Variants in VAV3 observed in about 807,000 individuals in gnomAD.
VAV3 encodes the protein guanine nucleotide exchange factor VAV3.
In VAV3, 94 loss-of-function variants were observed where a neutral mutation model predicts 131.2. The ratio of observed to expected loss-of-function variants is 0.72; its 90% CI spans 0.61 to 0.85. The LOEUF is 0.85. VAV3 is among the 40% of genes least tolerant of loss of function. VAV3 has a pLI of 0.00. For missense variants in VAV3, 939 were observed against 1,002.7 expected (o/e 0.94, Z 0.86); for synonymous variants, 349 against 342.0 (o/e 1.02, Z -0.22).
intron 2 of VAV3, among the ~76,000 whole-genome samples, chr1:107,805,092 CT>C (rs1667003539): frequency 6.6e-6 from 1 of 151,976 alleles, no homozygotes; most frequent in African/African-American, 2.4e-5. Context: ...TTTTAAAATC[CT>C]TTCTTTGTCC....
chr1:107,940,017 C>T (rs199698076), intron 1 of VAV3, among the ~76,000 whole-genome samples: 1 of 151,966 alleles, frequency 6.6e-6, no homozygotes, highest in Non-Finnish European at 1.5e-5. Context: ...CCAAGCAAGA[C>T]GATTTTGAAG....
At chr1:107,877,558 C>A (rs1670563448) in intron 1 of VAV3, among the ~76,000 whole-genome samples, 1 of 152,204 alleles carries the variant, frequency 6.6e-6, no homozygotes, top group South Asian at 2.1e-4. Flanking sequence ...AAGAGGCCTT[C>A]CCCTTACTTC....
intron 2 of VAV3, among the ~76,000 whole-genome samples, chr1:107,813,125 A>AAC (rs1353091880): frequency 6.6e-6 from 1 of 152,088 alleles, no homozygotes; most frequent in Non-Finnish European, 1.5e-5. Flanking sequence ...TCTCAAAAAA[A>AAC]AAAAAAAACT....
intron 1 of VAV3, among the ~76,000 whole-genome samples, chr1:107,952,485 T>TATATATATATATATATATATATATAC (rs1317970944): frequency 5.3e-5 from 5 of 94,450 alleles, no homozygotes; most frequent in Non-Finnish European, 1.2e-4. Flanking sequence ...TATATATATA[T>TATATATATATATATATATATATATAC]ACACACATAA....
chr1:107,599,469 G>C (rs1164407532), intron 24 of VAV3, among the ~76,000 whole-genome samples: 1 of 152,138 alleles, frequency 6.6e-6, no homozygotes, highest in African/African-American at 2.4e-5. Flanking sequence ...TAATGAGTGA[G>C]AGCCAGTCAT....
At chr1:107,854,237 G>A (rs1466067408) in intron 2 of VAV3, among the ~76,000 whole-genome samples, 1 of 152,184 alleles carries the variant, frequency 6.6e-6, no homozygotes, top group African/African-American at 2.4e-5. Flanking sequence ...TTGAACCTGG[G>A]AGGCAGAGGT....
Position 107,929,307 on chromosome 1 carries a change from A to AAT in VAV3, c.204+35358_204+35359insAT, listed in dbSNP as rs748783143. Among the ~76,000 whole-genome samples, 359 of 144,384 alleles carry AAT rather than the reference A, an allele frequency of 2.5e-3. 11 individuals are homozygous for AAT. Among genetic ancestry groups the AAT allele is most frequent in the Middle Eastern group, 3.7e-3 (1 of 272 alleles). 94.7% of individuals were successfully genotyped at this position (144,384 alleles called of 152,430 possible). On this transcript the variant is annotated intron_variant, in intron 1 of 26. Coordinates refer to ENST00000370056, the MANE Select transcript of VAV3 (RefSeq NM_006113.5). ...TGTCTCAAAAAAAAAAAAAAAAAAAATTATGCCCTAGAACAGTATATTCAG... is the reference window on the plus strand; with the variant it reads ...TGTCTCAAAAAAAAAAAAAAAAAAAAATTTATGCCCTAGAACAGTATATTCAG...
chr1:107,948,661 T>A (rs1420965013), intron 1 of VAV3, among the ~76,000 whole-genome samples: 1 of 152,114 alleles, frequency 6.6e-6, no homozygotes, highest in Admixed American at 6.5e-5. Context: ...CTAGCCAACA[T>A]GGCGAAATCC....
At chr1:107,862,341 C>T (rs112314190) in intron 2 of VAV3, among the ~76,000 whole-genome samples, 132 of 151,534 alleles carry the variant, frequency 8.7e-4, no homozygotes, top group African/African-American at 3.1e-3. Flanking sequence ...CACCCCCACA[C>T]TACCCCTCTC....
intron 2 of VAV3, among the ~76,000 whole-genome samples, chr1:107,790,083 G>GC (rs1430586196): frequency 3.9e-5 from 6 of 152,172 alleles, no homozygotes; most frequent in South Asian, 2.1e-4. Flanking sequence ...CCATCCCAAA[G>GC]CCCCCCCAGC....
chr1:107,851,013 A>G (rs575621177), intron 2 of VAV3, among the ~76,000 whole-genome samples: 1 of 152,260 alleles, frequency 6.6e-6, no homozygotes, highest in Admixed American at 6.5e-5. Flanking sequence ...CAGAAAGAGC[A>G]GCAGGGGCCC....
intron 15 of VAV3, among the ~76,000 whole-genome samples, chr1:107,747,739 C>T (rs1240061140): frequency 2.6e-5 from 4 of 152,142 alleles, no homozygotes; most frequent in African/African-American, 9.7e-5. Flanking sequence ...AATAACTTAG[C>T]TTTCATTATG....
chr1:107,931,448 A>T (rs1019022832), intron 1 of VAV3, among the ~76,000 whole-genome samples: 1 of 152,206 alleles, frequency 6.6e-6, no homozygotes, highest in African/African-American at 2.4e-5. Flanking sequence ...TTTAAAGAAT[A>T]AAGGGGTATA....
rs1649359207 is a variant in VAV3 at position 107,572,972 on chromosome 1, T to C, written c.*359A>G. ...GGCATGTGAGAATAAAGCAAAAGTG[T>C]ATTAAGATTTACTGATGACTGGCAT... is the stretch of plus-strand genomic sequence containing the variant. On this transcript the variant is annotated 3_prime_UTR_variant, in exon 27 of 27. Transcript: ENST00000370056. The C allele has an allele frequency of 4.1e-6, 1 of 244,718 alleles. No homozygotes were observed. The highest frequency in any genetic ancestry group is 2.2e-5 in the African/African-American group (1 of 44,862). 15.2% of individuals were successfully genotyped at this position (244,718 alleles called of 1,614,324 possible). A position where few individuals can be genotyped will look rare whatever the true frequency, so the allele number is the denominator to read the frequency against.
At chr1:107,711,981 C>T (rs182442941) in intron 15 of VAV3, among the ~76,000 whole-genome samples, 7 of 152,036 alleles carry the variant, frequency 4.6e-5, no homozygotes, top group African/African-American at 1.2e-4. Context: ...CCACCGTGCC[C>T]GACAACGCAT....
At chr1:107,755,224 G>C (rs998158804) in intron 12 of VAV3, among the ~76,000 whole-genome samples, 2 of 152,122 alleles carry the variant, frequency 1.3e-5, no homozygotes, top group African/African-American at 4.8e-5. Flanking sequence ...TAAGGTAAGA[G>C]GGACAAGCCA....
chr1:107,608,682 C>A (rs1652489731), intron 22 of VAV3, among the ~76,000 whole-genome samples: 1 of 152,064 alleles, frequency 6.6e-6, no homozygotes, highest in Non-Finnish European at 1.5e-5. Flanking sequence ...GGAGGAGGGC[C>A]CGAGGAGAGT....
At chr1:107,957,770 C>T (rs6667322) in intron 1 of VAV3, among the ~76,000 whole-genome samples, 15,427 of 151,014 alleles carry the variant, frequency 0.1, 1,366 homozygotes, top group African/African-American at 0.24. Context: ...ACAGGGGATT[C>T]GAGAAAAATA....
At chr1:107,606,909 ACT>A (rs1030915943) in intron 22 of VAV3, among the ~76,000 whole-genome samples, 13 of 137,094 alleles carry the variant, frequency 9.5e-5, no homozygotes, top group African/African-American at 3.6e-4. Flanking sequence ...TTGACTGGAA[ACT>A]CTGTGTGTGT....
Sources: allele counts gnomAD v4.1 joint callset (sites outside exome capture counted in the v4.1 genomes callset), GRCh38; gene constraint gnomAD v4.1.1; transcripts MANE v1.5; gene names NCBI Gene and HGNC (gene_info 2026-07-23, HGNC 2026-07-21).